The following RC3H2 variants were observed in gnomAD, a reference collection of about 807,000 sequenced individuals.
RC3H2 encodes ring finger and CCCH-type domains 2.
Under a neutral mutation model 133.3 loss-of-function variants are expected in RC3H2, and 31 were observed. The ratio of observed to expected loss-of-function variants is 0.23; its 90% CI spans 0.17 to 0.31. RC3H2 has a LOEUF of 0.31. Among genes scored for constraint, RC3H2 ranks in the 10% least tolerant of loss-of-function variants. The probability of loss-of-function intolerance (pLI) is 1.00; values close to 1 mark genes in which losing one functional copy is unlikely to be tolerated. For synonymous variants in RC3H2, 517 were observed against 502.2 expected (o/e 1.03, Z -0.40); for missense variants, 1,175 against 1,437.2 (o/e 0.82, Z 2.95).
rs372872164 is a variant in RC3H2, at chr9:122,879,752, T to A, written c.1212+3A>T. The A allele has an allele frequency of 5.7e-6, 9 of 1,580,860 alleles. No homozygotes were observed. The highest frequency in any genetic ancestry group is 7.8e-6 in the Non-Finnish European group (9 of 1,153,288). ...CAGTCAGAAATGTAATAAATGTACTTACCTGAGGGGTCTCATGGCCTTTTC... is the reference window on the plus strand; with the variant it reads ...CAGTCAGAAATGTAATAAATGTACTAACCTGAGGGGTCTCATGGCCTTTTC... On this transcript the variant is annotated splice_donor_region_variant and intron_variant, in intron 8 of 20. Coordinates refer to ENST00000357244, the MANE Select transcript of RC3H2 (RefSeq NM_001100588.3).
chr9:122,877,431 A>G, intron 9 of RC3H2, 40 bp downstream of exon 9: 2 of 1,527,878 alleles, frequency 1.3e-6, no homozygotes, highest in Non-Finnish European at 1.8e-6. Flanking sequence ...CATAAAAATC[A>G]AAAATTAAAC....
Position 122,849,807 on chromosome 9 carries a change from T to A in RC3H2, c.3396A>T (p.Thr1132=), listed in dbSNP as rs1829953262. ...EDHVILEEQK[T]ILPVTSCFSQ... ...TAAAGCAAGAAGTTACCGGCAGAAT[T>A]GTTTTTTGCTCCTCCCTGAGAAAAA... The change falls in exon 21 of 21, where the codon ACA becomes ACT. Residue 1132 remains threonine, a synonymous_variant. Transcript: ENST00000357244. 6.4e-7 allele frequency: 1 copy of A among 1,569,790 alleles called. No individual in the cohort carries two copies. Among genetic ancestry groups the A allele is most frequent in the Non-Finnish European group, 8.6e-7 (1 of 1,161,386 alleles).
In RC3H2 at chr9:122,883,213, A is replaced by G; in HGVS notation, c.750T>C (p.Ser250=). 6.2e-7 allele frequency: 1 copy of G among 1,611,474 alleles called. No homozygotes were observed. Among genetic ancestry groups the G allele is most frequent in the Non-Finnish European group, 8.5e-7 (1 of 1,179,376 alleles). ...GHVVQLLYRA[S]CFKVTKRDED... is the part of the protein sequence containing the mutation. ...GATACTTACTGCTTACCTTAAAACA[A>G]GAAGCTCGATACAGTAGTTGCACAA... Residue 250 remains serine (S), a synonymous_variant, in exon 5 of 21, where the codon TCT becomes TCC. Transcript: ENST00000357244.
At chr9:122,870,335 A>G (rs1210459930) in intron 9 of RC3H2, among the ~76,000 whole-genome samples, 1 of 151,818 alleles carries the variant, frequency 6.6e-6, no homozygotes, top group Non-Finnish European at 1.5e-5. Flanking sequence ...AGATTGTGCC[A>G]CTGTACTCCA....
intron 1 of RC3H2, among the ~76,000 whole-genome samples, chr9:122,901,925 CTTCT>C (rs1832667054): frequency 6.9e-6 from 1 of 144,556 alleles, no homozygotes; most frequent in South Asian, 2.2e-4. Context: ...GAGATAACTA[CTTCT>C]TTTTTTTTTT....
At chr9:122,882,738 A>C (rs751753964) in intron 5 of RC3H2, among the ~76,000 whole-genome samples, 5 of 152,230 alleles carry the variant, frequency 3.3e-5, no homozygotes, top group Non-Finnish European at 5.9e-5. Context: ...CAATCTCCTC[A>C]ACTTTCCATT....
intron 10 of RC3H2, among the ~76,000 whole-genome samples, chr9:122,864,781 C>T (rs952515780): frequency 5.3e-5 from 8 of 151,996 alleles, no homozygotes; most frequent in Non-Finnish European, 1.2e-4. Context: ...CCACCATGCC[C>T]GGCTAATTTT....
intron 18 of RC3H2, among the ~76,000 whole-genome samples, chr9:122,851,733 G>A (rs1352589205): frequency 3.3e-5 from 5 of 152,346 alleles, no homozygotes; most frequent in South Asian, 2.1e-4. Flanking sequence ...TCCTAACCAC[G>A]AGTGATCTGC....
In RC3H2 at chr9:122,848,750, T is replaced by G. The variant is rs1390076361; in HGVS notation, c.*877A>C. ...GAAAGCACCTGATTCTTTTGCCAAG[T>G]CATCAGATTCAATAATGTACAGGCT... On this transcript the variant is annotated 3_prime_UTR_variant, in exon 21 of 21. Coordinates refer to ENST00000357244, the MANE Select transcript of RC3H2 (RefSeq NM_001100588.3). 1 of 152,154 alleles carries G rather than the reference T, an allele frequency of 6.6e-6. No homozygotes were observed. The highest frequency in any genetic ancestry group is 2.4e-5 in the African/African-American group (1 of 41,444). 9.4% of individuals were successfully genotyped at this position (152,154 alleles called of 1,614,324 possible).
At chr9:122,879,922 C>CAGT (rs1217257224) in intron 7 of RC3H2, 49 bp from the exon 8 acceptor site, 1 of 1,610,396 alleles carries the variant, frequency 6.2e-7, no homozygotes. Flanking sequence ...AGAATGTTAG[C>CAGT]AGTAATTCTC....
At chr9:122,894,932 G>A (rs2131498533) in intron 2 of RC3H2, among the ~76,000 whole-genome samples, 1 of 152,166 alleles carries the variant, frequency 6.6e-6, no homozygotes, top group African/African-American at 2.4e-5. Context: ...CTAGGCAAAG[G>A]TAACAGTAAC....
chr9:122,851,356 A>C lies in RC3H2; in HGVS notation c.3198T>G (p.Thr1066=). The C allele has an allele frequency of 1.2e-6, 2 of 1,614,212 alleles. No individual in the cohort carries two copies. The highest frequency in any genetic ancestry group is 1.7e-6 in the Non-Finnish European group (2 of 1,180,024). The change falls in exon 19 of 21, where the codon ACT becomes ACG. Residue 1066 remains threonine, a synonymous_variant. Coordinates refer to ENST00000357244, the MANE Select transcript of RC3H2 (RefSeq NM_001100588.3). ...DIELELSALD[T]DEPDGQSEPI... ...GTTCACTTTGTCCATCAGGTTCATC[A>C]GTATCAAGTGCTGAAAGCTCTAACT... is the stretch of plus-strand genomic sequence containing the variant.
chr9:122,850,705 G>A (rs1298193366), intron 20 of RC3H2, among the ~76,000 whole-genome samples: 2 of 152,108 alleles, frequency 1.3e-5, no homozygotes, highest in African/African-American at 2.4e-5. Context: ...CCAAAGTGCT[G>A]GGATTACAGC....
In RC3H2 at chr9:122,849,813, T is replaced by C. The variant is rs1829953552; in HGVS notation, c.3390A>G (p.Gln1130=). 1.3e-6 allele frequency: 2 copies of C among 1,568,408 alleles called. No individual in the cohort carries two copies. The highest frequency in any genetic ancestry group is 1.2e-5 in the South Asian group (1 of 84,130). Residue 1130 remains glutamine, a synonymous_variant, in exon 21 of 21, where the codon CAA becomes CAG. Transcript: ENST00000357244. ...AAGAAGTTACCGGCAGAATTGTTTT[T>C]TGCTCCTCCCTGAGAAAAAAGAAAT... ...LGEDHVILEE[Q]KTILPVTSCF...
rs967821496 is a variant in RC3H2 at position 122,847,763 on chromosome 9, G to C, written c.*1864C>G. 3 of 152,020 alleles carry C rather than the reference G, an allele frequency of 2.0e-5. No homozygotes were observed. The highest frequency in any genetic ancestry group is 7.2e-5 in the African/African-American group (3 of 41,392). The allele number at this position is 152,020 out of a possible 1,614,324, so 9.4% of individuals were successfully genotyped here. A position where few individuals can be genotyped will look rare whatever the true frequency, so the allele number is the denominator to read the frequency against. ...GGGGAGCACTGGCCATGGCAAAAAA[G>C]GTACAGTACTAACCAAAGGAAACTA... On this transcript the variant is annotated 3_prime_UTR_variant, in exon 21 of 21. Coordinates refer to ENST00000357244, the MANE Select transcript of RC3H2 (RefSeq NM_001100588.3).
chr9:122,905,271 CGAA>C lies in RC3H2; in HGVS notation c.-232_-230del. On this transcript the variant is annotated 5_prime_UTR_variant, in exon 1 of 21. Coordinates refer to ENST00000357244, the MANE Select transcript of RC3H2 (RefSeq NM_001100588.3). ...ACAGGGACAGCCCCGTTGGCGGCGG[CGAA>C]GGCCGCGACGGGGCCTCCTCCTCCT... The C allele has an allele frequency of 1.0e-6, 1 of 985,854 alleles. No homozygotes were observed. Among genetic ancestry groups the C allele is most frequent in the African/African-American group, 1.7e-5 (1 of 57,360 alleles). The allele number at this position is 985,854 out of a possible 1,614,324, so 61.1% of individuals were successfully genotyped here.
intron 1 of RC3H2, among the ~76,000 whole-genome samples, chr9:122,900,969 T>C (rs559028194): frequency 6.6e-6 from 1 of 152,322 alleles, no homozygotes; most frequent in South Asian, 2.1e-4. Flanking sequence ...TGCTGACACA[T>C]AAAACAGGAA....
In RC3H2 at chr9:122,855,839, G is replaced by T; in HGVS notation, c.2494C>A (p.His832Asn). The T allele has an allele frequency of 6.2e-7, 1 of 1,613,388 alleles. No individual in the cohort carries two copies. The highest frequency in any genetic ancestry group is 1.1e-5 in the South Asian group (1 of 91,024). ...GACCAGGGAGAATAATGGGAAAGATGATCTTCTTCAAATTTTGTACCACTC... is the reference window on the plus strand; with the variant it reads ...GACCAGGGAGAATAATGGGAAAGATTATCTTCTTCAAATTTTGTACCACTC... ...SVSGTKFEED[H>N]LSHYSPWSCG... The change falls in exon 14 of 21, where the codon CAT (histidine) becomes AAT (asparagine). Residue 832 changes from histidine to asparagine, a missense_variant. His to Asn is a moderately conservative substitution (Grantham distance 68, BLOSUM62 1). This residue lies in a region of RC3H2 where 490 missense variants were observed against 492.8 expected (regional missense o/e 0.99). Transcript: ENST00000357244.
At chr9:122,901,611 T>C (rs1174691903) in intron 1 of RC3H2, among the ~76,000 whole-genome samples, 1 of 144,680 alleles carries the variant, frequency 6.9e-6, no homozygotes, top group Non-Finnish European at 1.5e-5. Flanking sequence ...TTTTTTGAGA[T>C]GGAGGAGTCT....
Sources: allele counts gnomAD v4.1 joint callset (sites outside exome capture counted in the v4.1 genomes callset), GRCh38; gene constraint gnomAD v4.1.1; regional missense constraint gnomAD v4.1.1; transcripts MANE v1.5; gene names NCBI Gene and HGNC (gene_info 2026-07-23, HGNC 2026-07-21).